Variants in NRG1 observed in about 807,000 individuals in gnomAD.
NRG1 encodes pro-neuregulin-1, membrane-bound isoform.
In NRG1, 18 loss-of-function variants were observed where a neutral mutation model predicts 63.8. The observed-to-expected ratio is 0.28, with a 90% CI of 0.19 to 0.42. The LOEUF (loss-of-function observed/expected upper bound fraction) is 0.42, where lower values mean the gene tolerates loss of function less well. Among genes scored for constraint, NRG1 ranks in the 10% least tolerant of loss-of-function variants. The pLI, the probability that NRG1 is intolerant of heterozygous loss-of-function variation, is 1.00. For missense variants in NRG1, 762 were observed against 814.7 expected, an observed-to-expected ratio of 0.94 and a Z score of 0.79; for synonymous variants, 302 against 301.3, an observed-to-expected ratio of 1.00 and a Z score of -0.02.
At chr8:31,928,005 A>AC (rs1456004592) in intron 1 of NRG1, among the ~76,000 whole-genome samples, 3 of 150,738 alleles carry the variant, frequency 2.0e-5, no homozygotes, top group Non-Finnish European at 3.0e-5. Context: ...TAAAAAAAAA[A>AC]AAAAAACCTT....
At chr8:32,631,154 G>C (rs953203963) in intron 5 of NRG1, among the ~76,000 whole-genome samples, 3 of 141,324 alleles carry the variant, frequency 2.1e-5, no homozygotes, top group African/African-American at 7.6e-5. Context: ...TACAGATACT[G>C]TAGTAACTTT....
chr8:32,170,308 T>G (rs1224166150), intron 1 of NRG1, among the ~76,000 whole-genome samples: 1 of 152,234 alleles, frequency 6.6e-6, no homozygotes, highest in African/African-American at 2.4e-5. Flanking sequence ...AGATAACAGC[T>G]TCTCACAACT....
chr8:32,115,947 G>A (rs764195916), intron 1 of NRG1, among the ~76,000 whole-genome samples: 2 of 152,096 alleles, frequency 1.3e-5, no homozygotes, highest in African/African-American at 2.4e-5. Flanking sequence ...GACTGATGGG[G>A]CAAATCAACC....
intron 1 of NRG1, among the ~76,000 whole-genome samples, chr8:32,124,521 CA>C (rs980761478): frequency 1.3e-5 from 2 of 149,452 alleles, no homozygotes; most frequent in Non-Finnish European, 3.0e-5. Flanking sequence ...CAAGATTTTT[CA>C]AAAAAAAATG....
intron 1 of NRG1, among the ~76,000 whole-genome samples, chr8:32,526,983 A>G: frequency 6.6e-6 from 1 of 152,152 alleles, no homozygotes; most frequent in Non-Finnish European, 1.5e-5. Flanking sequence ...GTATATATTG[A>G]TGACTCTTAC....
exon 1 of NRG1, chr8:31,639,267 G>C (rs1803500490): frequency 1.1e-5 from 13 of 1,186,220 alleles, no homozygotes; most frequent in Non-Finnish European, 1.2e-6. Context: ...CAGCCCACTC[G>C]GACTGCAGCC....
intron 5 of NRG1, chr8:32,646,889 G>T: frequency 1.0e-6 from 1 of 984,964 alleles, no homozygotes; most frequent in Non-Finnish European, 1.2e-6. Flanking sequence ...AGCGGGGAGT[G>T]GGGGTTGGGA....
chr8:32,187,285 A>G (rs538750968), intron 1 of NRG1, among the ~76,000 whole-genome samples: 7 of 152,296 alleles, frequency 4.6e-5, no homozygotes, highest in Non-Finnish European at 8.8e-5. Flanking sequence ...CTGCCCACCA[A>G]TGCTGATTTT....
intron 1 of NRG1, among the ~76,000 whole-genome samples, chr8:31,650,640 T>A (rs1412947557): frequency 6.6e-6 from 1 of 152,222 alleles, no homozygotes; most frequent in Non-Finnish European, 1.5e-5. Flanking sequence ...ACAGAGCTCC[T>A]CTTTCCTGTG....
intron 1 of NRG1, among the ~76,000 whole-genome samples, chr8:31,796,282 C>A (rs941231623): frequency 1.3e-5 from 2 of 151,940 alleles, no homozygotes; most frequent in East Asian, 1.9e-4. Flanking sequence ...TTCTGTTTTA[C>A]TCAGGCTATT....
At chr8:31,683,954 A>G (rs1808605104) in intron 1 of NRG1, among the ~76,000 whole-genome samples, 1 of 152,220 alleles carries the variant, frequency 6.6e-6, no homozygotes, top group Admixed American at 6.5e-5. Context: ...GTTAGGATTA[A>G]GAGAATTAAA....
intron 1 of NRG1, among the ~76,000 whole-genome samples, chr8:31,788,892 AGTATAACAATAAATATGTGGAGGAGATT>A (rs1820428538): frequency 6.6e-6 from 1 of 152,370 alleles, no homozygotes; most frequent in South Asian, 2.1e-4. Context: ...ATAGTGAGGC[AGTATAACAATAAATATGTGGAGGAGATT>A]TCTAAAATTT....
At chr8:32,095,877 T>C (rs1277918998) in intron 1 of NRG1, among the ~76,000 whole-genome samples, 1 of 152,192 alleles carries the variant, frequency 6.6e-6, no homozygotes, top group Non-Finnish European at 1.5e-5. Flanking sequence ...ATAAAAGATA[T>C]AGAAGCCTGA....
At chr8:32,004,808 A>G (rs956246905) in intron 1 of NRG1, among the ~76,000 whole-genome samples, 2 of 151,872 alleles carry the variant, frequency 1.3e-5, no homozygotes. Flanking sequence ...AATGGGATGG[A>G]GAGTGTGAAC....
chr8:32,748,064 C>G (rs1827822066), intron 7 of NRG1, among the ~76,000 whole-genome samples: 2 of 151,916 alleles, frequency 1.3e-5, no homozygotes, highest in Non-Finnish European at 2.9e-5. Context: ...AGGCAGGACC[C>G]AAAACCAAGA....
intron 10 of NRG1, among the ~76,000 whole-genome samples, chr8:32,759,896 TTAATC>T (rs1344290669): frequency 1.1e-4 from 17 of 152,286 alleles, no homozygotes; most frequent in Non-Finnish European, 1.9e-4. Flanking sequence ...AAATGTTTCT[TTAATC>T]TAAGCCACTC....
chr8:32,645,026 T>C (rs559418976), intron 5 of NRG1, among the ~76,000 whole-genome samples: 1 of 152,160 alleles, frequency 6.6e-6, no homozygotes, highest in African/African-American at 2.4e-5. Context: ...ATAATAGTTT[T>C]GGTTTAGGTC....
At chr8:31,797,409 G>A (rs1049737261) in intron 1 of NRG1, among the ~76,000 whole-genome samples, 2 of 152,164 alleles carry the variant, frequency 1.3e-5, no homozygotes, top group Admixed American at 6.5e-5. Flanking sequence ...TAAAGACCCA[G>A]CAATACCTTG....
At chr8:32,099,133 A>G (rs914173248) in intron 1 of NRG1, among the ~76,000 whole-genome samples, 14 of 152,160 alleles carry the variant, frequency 9.2e-5, no homozygotes, top group Non-Finnish European at 1.5e-4. Context: ...CAAGGAGACA[A>G]AGGCTTGCTG....
Sources: allele counts gnomAD v4.1 joint callset (sites outside exome capture counted in the v4.1 genomes callset), GRCh38; gene constraint gnomAD v4.1.1; transcripts MANE v1.5; gene names NCBI Gene and HGNC (gene_info 2026-07-23, HGNC 2026-07-21).